Variants in TSTD2 observed in about 807,000 individuals in gnomAD.
The protein encoded by TSTD2 is thiosulfate sulfurtransferase like domain containing 2.
TSTD2 carries 37 observed loss-of-function variants against 47.9 expected under a neutral mutation model. The ratio of observed to expected loss-of-function variants is 0.77; its 90% CI spans 0.59 to 1.02. The LOEUF is 1.02. Ranked by LOEUF, TSTD2 falls within the 50% of genes least tolerant of loss-of-function variation. TSTD2 has a pLI of 0.00. For missense variants in TSTD2, 586 were observed against 616.0 expected, an observed-to-expected ratio of 0.95 and a Z score of 0.52; for synonymous variants, 201 against 215.9, an observed-to-expected ratio of 0.93 and a Z score of 0.61.
intron 6 of TSTD2, among the ~76,000 whole-genome samples, chr9:97,607,818 T>C (rs1443615881): frequency 1.3e-5 from 2 of 151,918 alleles, no homozygotes; most frequent in Admixed American, 6.6e-5. Flanking sequence ...GCAGGAGAAC[T>C]ACACAAAACT....
intron 3 of TSTD2, among the ~76,000 whole-genome samples, chr9:97,618,557 A>G (rs573617630): frequency 6.6e-6 from 1 of 152,374 alleles, no homozygotes; most frequent in East Asian, 1.9e-4. Flanking sequence ...TTATGTTTGG[A>G]AACCCTGCAG....
rs1826248854 is a variant in TSTD2, at chr9:97,601,124, C to T, written c.*1345G>A. The T allele has an allele frequency of 7.7e-7, 1 of 1,304,146 alleles. No homozygotes were observed. Among genetic ancestry groups the T allele is most frequent in the South Asian group, 1.2e-5 (1 of 81,024 alleles). The allele number at this position is 1,304,146 out of a possible 1,614,324, so 80.8% of individuals were successfully genotyped here. ...TATGGAAGAGTGTCCACTGAGGCTG[C>T]ACATGGCCCAGGAGTGGCACCATGT... is the stretch of plus-strand genomic sequence containing the variant. On this transcript the variant is annotated 3_prime_UTR_variant, in exon 10 of 10. Transcript: ENST00000341170.
At chr9:97,614,473 AC>A (rs1223002266) in intron 4 of TSTD2, among the ~76,000 whole-genome samples, 1 of 151,950 alleles carries the variant, frequency 6.6e-6, no homozygotes, top group African/African-American at 2.4e-5. Context: ...ATCAATTAAG[AC>A]CAAAATTCCT....
At position 97,601,081 on chromosome 9, in the gene TSTD2, G is replaced by A; in HGVS notation, c.*1388C>T. On this transcript the variant is annotated 3_prime_UTR_variant, in exon 10 of 10. Transcript: ENST00000341170. Reference sequence around the variant, plus strand: ...GGGCAGTACAGGGTAACTGGAGGCGGGGCCAGGGCCTCAGCGCTATGGAAG... The same window carrying A: ...GGGCAGTACAGGGTAACTGGAGGCGAGGCCAGGGCCTCAGCGCTATGGAAG... The A allele has an allele frequency of 7.7e-7, 1 of 1,304,292 alleles. No individual in the cohort carries two copies. 80.8% of individuals were successfully genotyped at this position (1,304,292 alleles called of 1,614,324 possible).
Position 97,606,229 on chromosome 9 carries a change from C to T in TSTD2, c.868G>A (p.Glu290Lys). The T allele has an allele frequency of 6.2e-7, 1 of 1,609,924 alleles. No homozygotes were observed. The highest frequency in any genetic ancestry group is 8.5e-7 in the Non-Finnish European group (1 of 1,178,042). ...GCCTGAGATAAAAACTTTTCTACTT[C>T]TTTATGAAATTCACCTGGGGATAAA... is the stretch of plus-strand genomic sequence containing the variant. ...IHLSPGEFHKEVEKFLSQANQ... is the reference protein window; with the variant it reads ...IHLSPGEFHKKVEKFLSQANQ... Residue 290 changes from glutamate to lysine, a missense_variant, in exon 7 of 10, where the codon GAA becomes AAA. Coordinates refer to ENST00000341170, the MANE Select transcript of TSTD2 (RefSeq NM_139246.5).
Position 97,610,349 on chromosome 9 carries a change from G to A in TSTD2, c.832C>T (p.Pro278Ser). ...ISPKKISYKK[P>S]GIHLSPGEFH... ...AATCTTCTAAAAGCAAGCATACCAG[G>A]CTTCTTGTAGGAGATCTTTTTGGGG... Residue 278 changes from proline (P) to serine (S), a missense_variant, in exon 6 of 10, where the codon CCT (proline) becomes TCT (serine). Coordinates refer to ENST00000341170, the MANE Select transcript of TSTD2 (RefSeq NM_139246.5). 3 of 1,602,976 alleles carry A rather than the reference G, an allele frequency of 1.9e-6. No individual in the cohort carries two copies. Among genetic ancestry groups the A allele is most frequent in the Non-Finnish European group, 1.7e-6 (2 of 1,175,492 alleles).
chr9:97,602,653 C>G lies in TSTD2; in HGVS notation c.1367G>C (p.Cys456Ser). The change falls in exon 10 of 10, where the codon TGT becomes TCT. Residue 456 changes from cysteine to serine, a missense_variant. Transcript: ENST00000341170. ...GCTCCCCTTGTCTTGACATGTGACA[C>G]AACAGGCTGTGAATCCTTGTCCTTG... is the stretch of plus-strand genomic sequence containing the variant. Reference protein sequence around the residue: ...ACQGQGFTACCVTCQDKGSRK... With the variant: ...ACQGQGFTACSVTCQDKGSRK... 1 of 1,614,222 alleles carries G rather than the reference C, an allele frequency of 6.2e-7. No homozygotes were observed. Among genetic ancestry groups the G allele is most frequent in the African/African-American group, 1.3e-5 (1 of 75,062 alleles).
In TSTD2 at chr9:97,602,211, T is replaced by TC. The variant is rs967627017; in HGVS notation, c.*257dup. ...CTGTGGCCACCAGGCTCAGGCTCTA[T>TC]CCCTCAGCAGCTTTGGGATCCCATG... On this transcript the variant is annotated 3_prime_UTR_variant, in exon 10 of 10. Transcript: ENST00000341170. 2.3e-5 allele frequency: 11 copies of TC among 469,256 alleles called. No individual in the cohort carries two copies. The highest frequency in any genetic ancestry group is 3.4e-5 in the Non-Finnish European group (9 of 267,074). 29.1% of individuals were successfully genotyped at this position (469,256 alleles called of 1,614,324 possible).
chr9:97,605,752 T>A, intron 7 of TSTD2, 111 bp from the exon 8 acceptor site: 1 of 1,376,784 alleles, frequency 7.3e-7, no homozygotes. Flanking sequence ...CCCTGCCAGT[T>A]GCTAATCTCA....
At chr9:97,604,441 T>C (rs1826329958) in intron 9 of TSTD2, 1 of 346,292 alleles carries the variant, frequency 2.9e-6, no homozygotes. Context: ...AGTACAGCTC[T>C]TGGCAGGTAG....
intron 8 of TSTD2, 95 bp downstream of exon 8, chr9:97,605,388 G>T: frequency 6.7e-7 from 1 of 1,483,358 alleles, no homozygotes; most frequent in Non-Finnish European, 9.2e-7. Context: ...CCTGGGGGTG[G>T]GGAGTACTGG....
At chr9:97,627,302 T>C (rs1439416447) in intron 2 of TSTD2, 96 bp downstream of exon 2, 3 of 1,481,202 alleles carry the variant, frequency 2.0e-6, no homozygotes, top group African/African-American at 2.8e-5. Context: ...TGACTAGACT[T>C]TACCTTGAGC....
chr9:97,604,998 G>A, intron 8 of TSTD2, 133 bp from the exon 9 acceptor site: 1 of 1,447,068 alleles, frequency 6.9e-7, no homozygotes, highest in Non-Finnish European at 9.1e-7. Flanking sequence ...AGGGGCTCCT[G>A]GCTCCCACTG....
intron 4 of TSTD2, among the ~76,000 whole-genome samples, chr9:97,614,278 T>G (rs1466891123): frequency 7.2e-5 from 11 of 152,182 alleles, no homozygotes; most frequent in Admixed American, 7.2e-4. Flanking sequence ...CAGAGAATAT[T>G]TTAGGAAAAT....
At chr9:97,602,999 CTTTT>C (rs776606688) in intron 9 of TSTD2, 3 of 426,982 alleles carry the variant, frequency 7.0e-6, no homozygotes, top group Non-Finnish European at 1.3e-5. Context: ...TATTTACTGA[CTTTT>C]TTTTTCTTTT....
rs150422288 is a variant in TSTD2 at position 97,602,722 on chromosome 9, G to A, written c.1298C>T (p.Ser433Phe). 3 of 1,614,156 alleles carry A rather than the reference G, an allele frequency of 1.9e-6. No individual in the cohort carries two copies. Among genetic ancestry groups the A allele is most frequent in the East Asian group, 4.5e-5 (2 of 44,882 alleles). ...GARWDQYKLC[S>F]TPQCRQLVLT... ...AACGAGCTGGCGGCACTGGGGAGTA[G>A]AGCAGAGTTTATACTGGTCCCAGCG... Residue 433 changes from serine (S) to phenylalanine (F), a missense_variant, in exon 10 of 10, where the codon TCT becomes TTT. Coordinates refer to ENST00000341170, the MANE Select transcript of TSTD2 (RefSeq NM_139246.5).
chr9:97,609,229 ATTTT>A (rs1366115820), intron 6 of TSTD2, among the ~76,000 whole-genome samples: 5 of 152,142 alleles, frequency 3.3e-5, no homozygotes, highest in African/African-American at 1.2e-4. Context: ...AATCTCATCT[ATTTT>A]TTACTTTTAA....
At chr9:97,607,938 T>C (rs1490775990) in intron 6 of TSTD2, among the ~76,000 whole-genome samples, 1 of 151,842 alleles carries the variant, frequency 6.6e-6, no homozygotes, top group Admixed American at 6.6e-5. Flanking sequence ...TCCCAGCACT[T>C]TGGGAAGCTG....
At position 97,602,373 on chromosome 9, in the gene TSTD2, C is replaced by T. The variant is rs1019870902; in HGVS notation, c.*96G>A. The T allele has an allele frequency of 2.8e-6, 4 of 1,413,072 alleles. No homozygotes were observed. The highest frequency in any genetic ancestry group is 2.5e-5 in the East Asian group (1 of 39,836). The allele number at this position is 1,413,072 out of a possible 1,614,324, so 87.5% of individuals were successfully genotyped here. ...TGGCAGCGGCCAGAACTGAAGTTCC[C>T]GATTTCTCTGTTTCTGCAGTCTTGC... On this transcript the variant is annotated 3_prime_UTR_variant, in exon 10 of 10. Coordinates refer to ENST00000341170, the MANE Select transcript of TSTD2 (RefSeq NM_139246.5).
Sources: gnomAD v4.1 joint callset for allele counts (sites outside exome capture counted in the v4.1 genomes callset) on GRCh38, gnomAD v4.1.1 for gene constraint, MANE v1.5 for transcripts, NCBI Gene and HGNC (gene_info 2026-07-23, HGNC 2026-07-21) for gene names.